The following RANBP17 variants were observed in gnomAD, a reference collection of about 807,000 sequenced individuals.
RANBP17 encodes ran-binding protein 17.
Under a neutral mutation model 141.2 loss-of-function variants are expected in RANBP17, and 158 were observed. The observed-to-expected ratio is 1.12, with a 90% confidence interval of 0.98 to 1.28. The LOEUF is 1.28. RANBP17 is among the 50% of genes most tolerant of loss of function. The pLI is 0.00. For synonymous variants in RANBP17, 430 were observed against 450.0 expected, an observed-to-expected ratio of 0.96 and a Z score of 0.56; for missense variants, 1,438 against 1,290.7, an observed-to-expected ratio of 1.11 and a Z score of -1.75.
intron 12 of RANBP17, among the ~76,000 whole-genome samples, chr5:170,952,670 A>G (rs1365522946): frequency 6.6e-6 from 1 of 152,040 alleles, no homozygotes; most frequent in East Asian, 1.9e-4. Context: ...TTTTTACTTG[A>G]AAGCGTTTCT....
intron 14 of RANBP17, among the ~76,000 whole-genome samples, chr5:171,113,477 A>G (rs1755393330): frequency 6.6e-6 from 1 of 152,160 alleles, no homozygotes; most frequent in African/African-American, 2.4e-5. Flanking sequence ...TGTAATAGAT[A>G]TTTTAATCTT....
intron 12 of RANBP17, among the ~76,000 whole-genome samples, chr5:170,937,758 A>T (rs535981996): frequency 2.6e-4 from 40 of 152,268 alleles, no homozygotes; most frequent in Non-Finnish European, 5.3e-4. Flanking sequence ...GTCATTTCAG[A>T]TTTGTGTTCT....
intron 22 of RANBP17, among the ~76,000 whole-genome samples, chr5:171,236,044 C>T (rs61197420): frequency 0.014 from 2,168 of 152,208 alleles, 45 homozygotes; most frequent in African/African-American, 0.049. Context: ...ATTATATTCC[C>T]TCCAGTCTTT....
intron 14 of RANBP17, among the ~76,000 whole-genome samples, chr5:171,076,010 A>G (rs1784898300): frequency 6.6e-6 from 1 of 152,180 alleles, no homozygotes; most frequent in Admixed American, 6.5e-5. Context: ...TATGTGGATT[A>G]TATCTCAATA....
intron 13 of RANBP17, among the ~76,000 whole-genome samples, chr5:170,957,072 AACAC>A (rs58034888): frequency 0.036 from 5,201 of 142,954 alleles, 275 homozygotes; most frequent in African/African-American, 0.12. Flanking sequence ...TCTGTCTCAA[AACAC>A]ACACACACAC....
rs550578810 is a variant in RANBP17 at position 170,897,324 on chromosome 5, G to T, written c.489+1209G>T. On this transcript the variant is annotated intron_variant, in intron 5 of 27. Coordinates refer to ENST00000523189, the MANE Select transcript of RANBP17 (RefSeq NM_022897.5). ...ATACATTCCGTGGGAGGAGAATCAGGATCTGGGCTTGGCACATTTCTTCTT... is the reference window on the plus strand; with the variant it reads ...ATACATTCCGTGGGAGGAGAATCAGTATCTGGGCTTGGCACATTTCTTCTT... 1.4e-3 allele frequency: 809 copies of T among 587,646 alleles called. 5 individuals carry two copies. The highest frequency in any genetic ancestry group is 1.8e-3 in the East Asian group (43 of 23,350). The allele number at this position is 587,646 out of a possible 1,614,324, so 36.4% of individuals were successfully genotyped here. A position where few individuals can be genotyped will look rare whatever the true frequency, so the allele number is the denominator to read the frequency against.
chr5:171,092,957 C>T lies in RANBP17; in HGVS notation c.1711-77173C>T, dbSNP rs1433727766. 8.5e-5 allele frequency among the ~76,000 whole-genome samples: 13 copies of T among 152,202 alleles called. No individual in the cohort carries two copies. In the East Asian group the frequency reaches 2.3e-3, roughly 27 times the overall value. Reference sequence around the variant, plus strand: ...GAAAGCACTCATCTATATTTAATGTCTATGCCACTGCCTGTGAATTTGTGG... The same window carrying T: ...GAAAGCACTCATCTATATTTAATGTTTATGCCACTGCCTGTGAATTTGTGG... On this transcript the variant is annotated intron_variant, in intron 14 of 27. Transcript: ENST00000523189.
At chr5:171,205,470 A>T in intron 19 of RANBP17, 54 bp from the exon 20 acceptor site, 1 of 1,429,034 alleles carries the variant, frequency 7.0e-7, no homozygotes, top group South Asian at 1.2e-5. Flanking sequence ...TTATTACTCC[A>T]TCTGCTCTGC....
chr5:171,125,408 AAAAG>A (rs1395905561), intron 14 of RANBP17, among the ~76,000 whole-genome samples: 5 of 152,046 alleles, frequency 3.3e-5, no homozygotes, highest in Admixed American at 6.6e-5. Context: ...AAAAAAAAAA[AAAAG>A]AGAGACAAAG....
chr5:171,271,356 A>T (rs561969309), intron 25 of RANBP17: 1 of 211,530 alleles, frequency 4.7e-6, no homozygotes, highest in South Asian at 1.9e-4. Flanking sequence ...ATATTGCTCA[A>T]CATTTTGACA....
chr5:171,222,176 A>T (rs1336648511), intron 22 of RANBP17, among the ~76,000 whole-genome samples: 3 of 152,230 alleles, frequency 2.0e-5, no homozygotes, highest in African/African-American at 7.2e-5. Context: ...TGTTGAACCA[A>T]GGAATGCTTA....
At chr5:170,999,794 A>G (rs1779076534) in intron 14 of RANBP17, among the ~76,000 whole-genome samples, 1 of 152,174 alleles carries the variant, frequency 6.6e-6, no homozygotes, top group South Asian at 2.1e-4. Flanking sequence ...TATGCAGTTC[A>G]GTGATATTAA....
chr5:170,968,263 A>G lies in RANBP17; in HGVS notation c.1596A>G (p.Leu532=). ...LSCRVFQLIS[L]MDTGLPRCCN... Reference sequence around the variant, plus strand: ...GAAGAGTTTTTCAGCTTATATCTTTAATGGATACCGGATTGCCTCGATGTT... The same window carrying G: ...GAAGAGTTTTTCAGCTTATATCTTTGATGGATACCGGATTGCCTCGATGTT... Residue 532 remains leucine, a synonymous_variant, in exon 14 of 28, where the codon TTA becomes TTG. Transcript: ENST00000523189. The G allele has an allele frequency of 6.3e-7, 1 of 1,590,288 alleles. No homozygotes were observed.
chr5:171,191,470 C>T (rs1321560648), intron 18 of RANBP17, among the ~76,000 whole-genome samples: 2 of 152,048 alleles, frequency 1.3e-5, no homozygotes, highest in African/African-American at 4.8e-5. Context: ...AGGCGGATCA[C>T]GAGGTAGGAG....
At chr5:170,925,078 AT>A (rs1280275671) in intron 12 of RANBP17, among the ~76,000 whole-genome samples, 2 of 152,084 alleles carry the variant, frequency 1.3e-5, no homozygotes, top group Non-Finnish European at 2.9e-5. Context: ...GGGAGTAAAA[AT>A]AAATGTATTT....
Position 171,171,209 on chromosome 5 carries a change from T to TA in RANBP17, c.1789dup (p.Thr597AsnfsTer4). The TA allele has an allele frequency of 6.4e-7, 1 of 1,566,274 alleles. No individual in the cohort carries two copies. The highest frequency in any genetic ancestry group is 8.7e-7 in the Non-Finnish European group (1 of 1,146,188). ...AAAGACTTTTTTTCATATTTAGTGT[T>TA]ACAAACCTTAAATACTGGGGAAGAT... On this transcript the variant is annotated frameshift_variant, in exon 16 of 28. Coordinates refer to ENST00000523189, the MANE Select transcript of RANBP17 (RefSeq NM_022897.5). LOFTEE classifies it high-confidence loss of function.
intron 24 of RANBP17, among the ~76,000 whole-genome samples, chr5:171,263,208 G>A (rs1766445877): frequency 6.6e-6 from 1 of 152,164 alleles, no homozygotes; most frequent in South Asian, 2.1e-4. Flanking sequence ...CCCTTAGGAA[G>A]TTTATAATCT....
intron 1 of RANBP17, among the ~76,000 whole-genome samples, chr5:170,870,565 G>A (rs1244969452): frequency 2.0e-5 from 3 of 152,128 alleles, no homozygotes; most frequent in Non-Finnish European, 2.9e-5. Context: ...CTTTTTAATG[G>A]CTGCATAGTA....
intron 14 of RANBP17, among the ~76,000 whole-genome samples, chr5:171,133,378 A>G (rs1757064052): frequency 6.6e-6 from 1 of 152,228 alleles, no homozygotes. Flanking sequence ...TTCTATAAAA[A>G]ATGCCAAATA....
Sources: allele counts gnomAD v4.1 joint callset (sites outside exome capture counted in the v4.1 genomes callset), GRCh38; gene constraint gnomAD v4.1.1; transcripts MANE v1.5; gene names NCBI Gene and HGNC (gene_info 2026-07-23, HGNC 2026-07-21).